HTR1F: variants seen among roughly 807,000 people sequenced by gnomAD.
HTR1F encodes the protein 5-hydroxytryptamine receptor 1F.
In HTR1F, 17 loss-of-function variants were observed where a neutral mutation model predicts 24.0. That is an observed-to-expected ratio of 0.71 (90% confidence interval 0.48 to 1.06). HTR1F has a LOEUF of 1.06. Ranked by LOEUF, HTR1F falls within the 50% of genes least tolerant of loss-of-function variation. The pLI, the probability that HTR1F is intolerant of heterozygous loss-of-function variation, is 0.00. For missense variants in HTR1F, 391 were observed against 427.8 expected (o/e 0.91, Z 0.76); for synonymous variants, 186 against 156.8 (o/e 1.19, Z -1.39).
chr3:87,814,293 T>C (rs575150032), intron 1 of HTR1F, among the ~76,000 whole-genome samples: 16 of 152,298 alleles, frequency 1.1e-4, no homozygotes, highest in African/African-American at 3.6e-4. Context: ...AAATTGTATA[T>C]ATATATGGTG....
chr3:87,968,780 T>C (rs1705221361), intron 2 of HTR1F, among the ~76,000 whole-genome samples: 1 of 152,162 alleles, frequency 6.6e-6, no homozygotes, highest in African/African-American at 2.4e-5. Context: ...GGGAAAAATG[T>C]CTCCAGGGCA....
At chr3:87,932,908 A>G (rs1391495924) in intron 2 of HTR1F, among the ~76,000 whole-genome samples, 1 of 151,176 alleles carries the variant, frequency 6.6e-6, no homozygotes, top group Non-Finnish European at 1.5e-5. Flanking sequence ...CAAAAAAGAG[A>G]ATTTTAGACC....
At chr3:87,929,228 C>G (rs757261908) in intron 2 of HTR1F, among the ~76,000 whole-genome samples, 2 of 152,084 alleles carry the variant, frequency 1.3e-5, no homozygotes, top group African/African-American at 4.8e-5. Flanking sequence ...GCACATGGCA[C>G]CTGGCATGTC....
chr3:87,976,949 G>A (rs541465305), intron 2 of HTR1F, among the ~76,000 whole-genome samples: 12 of 152,210 alleles, frequency 7.9e-5, no homozygotes, highest in East Asian at 7.7e-4. Flanking sequence ...TAGTCAAGGC[G>A]GAGGAAAAGA....
chr3:87,992,617 G>A lies in HTR1F; in HGVS notation c.*767G>A, dbSNP rs1705862266. On this transcript the variant is annotated 3_prime_UTR_variant, in exon 3 of 3. Transcript: ENST00000319595. ...TCAACAAAGGGGCATGGGTGACGTT[G>A]TTATAATTGCTCTCTGTTTACTTAG... The A allele has an allele frequency of 1.2e-5, 2 of 167,116 alleles. No homozygotes were observed. The highest frequency in any genetic ancestry group is 4.8e-5 in the African/African-American group (2 of 41,568). The allele number at this position is 167,116 out of a possible 1,614,324, so 10.4% of individuals were successfully genotyped here. A position where few individuals can be genotyped will look rare whatever the true frequency, so the allele number is the denominator to read the frequency against.
chr3:87,943,517 C>A (rs1322267654), intron 2 of HTR1F, among the ~76,000 whole-genome samples: 1 of 151,554 alleles, frequency 6.6e-6, no homozygotes, highest in Non-Finnish European at 1.5e-5. Flanking sequence ...TCTTTGGTTA[C>A]CCCTTTGTCT....
At chr3:87,859,922 C>G (rs755336332) in intron 2 of HTR1F, among the ~76,000 whole-genome samples, 1 of 152,094 alleles carries the variant, frequency 6.6e-6, no homozygotes, top group Non-Finnish European at 1.5e-5. Flanking sequence ...AATATTGATG[C>G]CTTGACCTAA....
At chr3:87,873,327 G>A (rs1361357982) in intron 2 of HTR1F, among the ~76,000 whole-genome samples, 1 of 152,098 alleles carries the variant, frequency 6.6e-6, no homozygotes, top group Non-Finnish European at 1.5e-5. Flanking sequence ...ATAACCATGG[G>A]AGTGGAAGGA....
chr3:87,879,412 A>G (rs1705739826), intron 2 of HTR1F, among the ~76,000 whole-genome samples: 4 of 152,314 alleles, frequency 2.6e-5, no homozygotes, highest in African/African-American at 9.6e-5. Context: ...TTATTAACCC[A>G]TTACCCTCCA....
chr3:87,950,568 A>G (rs186067943), intron 2 of HTR1F, among the ~76,000 whole-genome samples: 1 of 152,184 alleles, frequency 6.6e-6, no homozygotes, highest in Non-Finnish European at 1.5e-5. Flanking sequence ...CTTAAAAAAA[A>G]AAAGGGAGGA....
chr3:87,906,521 T>A (rs77295995), intron 2 of HTR1F, among the ~76,000 whole-genome samples: 18 of 150,602 alleles, frequency 1.2e-4, no homozygotes, highest in South Asian at 4.2e-4. Context: ...TTAATGAAAA[T>A]TTTTTTTTTA....
chr3:87,806,014 T>C (rs1226436457), intron 1 of HTR1F, among the ~76,000 whole-genome samples: 1 of 152,042 alleles, frequency 6.6e-6, no homozygotes, highest in Non-Finnish European at 1.5e-5. Context: ...CATGTGAAAT[T>C]TGTCTCTGTG....
At chr3:87,838,105 C>T (rs996510191) in intron 2 of HTR1F, among the ~76,000 whole-genome samples, 13 of 151,966 alleles carry the variant, frequency 8.6e-5, no homozygotes, top group African/African-American at 3.1e-4. Context: ...TAAAGCTACA[C>T]TCATTAAATA....
chr3:87,935,122 C>A (rs1172328614), intron 2 of HTR1F, among the ~76,000 whole-genome samples: 1 of 152,182 alleles, frequency 6.6e-6, no homozygotes, highest in Non-Finnish European at 1.5e-5. Flanking sequence ...CCTGACTTGG[C>A]CTCCCAAAGT....
intron 2 of HTR1F, among the ~76,000 whole-genome samples, chr3:87,932,637 C>T (rs1704308804): frequency 6.6e-6 from 1 of 152,030 alleles, no homozygotes; most frequent in South Asian, 2.1e-4. Context: ...CATACACTCT[C>T]CCAAGACTAA....
chr3:87,830,501 A>T (rs1457961235), intron 2 of HTR1F, among the ~76,000 whole-genome samples: 1 of 152,196 alleles, frequency 6.6e-6, no homozygotes, highest in Non-Finnish European at 1.5e-5. Context: ...TTCATTATTC[A>T]CTATCTCATT....
At chr3:87,901,327 G>A (rs915718943) in intron 2 of HTR1F, among the ~76,000 whole-genome samples, 6 of 152,140 alleles carry the variant, frequency 3.9e-5, no homozygotes, top group African/African-American at 1.4e-4. Flanking sequence ...CAGTAGGAAT[G>A]GCACCCTTAT....
At chr3:87,926,763 A>G (rs1288760254) in intron 2 of HTR1F, among the ~76,000 whole-genome samples, 1 of 152,110 alleles carries the variant, frequency 6.6e-6, no homozygotes, top group East Asian at 1.9e-4. Flanking sequence ...ATATTACTAA[A>G]TTTTATAAAA....
intron 2 of HTR1F, among the ~76,000 whole-genome samples, chr3:87,848,844 A>C (rs1231253510): frequency 6.6e-6 from 1 of 151,574 alleles, no homozygotes; most frequent in Non-Finnish European, 1.5e-5. Context: ...TCATGAGTGA[A>C]CTCCCATTCA....
Sources: gnomAD v4.1 joint callset for allele counts (sites outside exome capture counted in the v4.1 genomes callset) on GRCh38, gnomAD v4.1.1 for gene constraint, MANE v1.5 for transcripts, NCBI Gene and HGNC (gene_info 2026-07-23, HGNC 2026-07-21) for gene names.